Variants in COPE observed in about 807,000 individuals in gnomAD.
The protein encoded by COPE is coat protein complex I subunit epsilon, also known as coatomer subunit epsilon.
In COPE, 19 loss-of-function variants were observed where a neutral mutation model predicts 42.1. That is an observed-to-expected ratio of 0.45 (90% CI 0.31 to 0.66). The LOEUF (loss-of-function observed/expected upper bound fraction) is 0.66. Among genes scored for constraint, COPE ranks in the 30% least tolerant of loss-of-function variants. The pLI, the probability that COPE is intolerant of heterozygous loss-of-function variation, is 0.05. For missense variants in COPE, 402 were observed against 416.1 expected (o/e 0.97, Z 0.30); for synonymous variants, 195 against 181.3 (o/e 1.08, Z -0.60).
chr19:18,909,481 T>C (rs1043577946), intron 3 of COPE, among the ~76,000 whole-genome samples: 1 of 151,484 alleles, frequency 6.6e-6, no homozygotes, highest in Non-Finnish European at 1.5e-5. Context: ...GTCACTCCAG[T>C]CTGTTGTCAC....
intron 6 of COPE, among the ~76,000 whole-genome samples, chr19:18,903,962 G>A (rs531844734): frequency 3.9e-5 from 6 of 152,298 alleles, no homozygotes; most frequent in South Asian, 4.1e-4. Flanking sequence ...GGGCAGGGAC[G>A]GGGAGCACAT....
chr19:18,913,553 T>C (rs2056829669), intron 1 of COPE, among the ~76,000 whole-genome samples: 2 of 152,148 alleles, frequency 1.3e-5, no homozygotes, highest in Non-Finnish European at 2.9e-5. Flanking sequence ...TGTGGCAACA[T>C]CCATTTTGGG....
In COPE at chr19:18,900,410, G is replaced by A. The variant is rs1366945231; in HGVS notation, c.775C>T (p.Leu259=). The change falls in exon 8 of 10, where the codon CTG becomes TTG. Residue 259 remains leucine (L), a synonymous_variant. Coordinates refer to ENST00000262812, the MANE Select transcript of COPE (RefSeq NM_007263.4). Reference sequence around the variant, plus strand: ...GGGGGCTTGCCCAGGTGCTGGGACAGGACGATGAGGTTGACCAGCGTCTCT... The same window carrying A: ...GGGGGCTTGCCCAGGTGCTGGGACAAGACGATGAGGTTGACCAGCGTCTCT... ...YPETLVNLIV[L]SQHLGKPPEV... The A allele has an allele frequency of 6.5e-7, 1 of 1,549,472 alleles. No homozygotes were observed. The highest frequency in any genetic ancestry group is 2.0e-5 in the Admixed American group (1 of 50,922).
intron 2 of COPE, 175 bp from the exon 3 acceptor site, chr19:18,911,246 G>A (rs1411461936): frequency 3.6e-5 from 22 of 619,532 alleles, no homozygotes; most frequent in Admixed American, 2.3e-4. Context: ...GTCACCTGTC[G>A]TGAGCAGCCA....
At chr19:18,904,396 A>C (rs2056738880) in intron 6 of COPE, among the ~76,000 whole-genome samples, 1 of 152,202 alleles carries the variant, frequency 6.6e-6, no homozygotes, top group African/African-American at 2.4e-5. Flanking sequence ...CACCGCTGCT[A>C]TGGGAACACT....
intron 1 of COPE, among the ~76,000 whole-genome samples, chr19:18,914,731 AG>A (rs2056839256): frequency 6.7e-6 from 1 of 149,716 alleles, no homozygotes; most frequent in South Asian, 2.1e-4. Flanking sequence ...AGACCAGCAT[AG>A]GCAACATAGC....
At chr19:18,903,578 G>GT (rs143972957) in intron 6 of COPE, among the ~76,000 whole-genome samples, 155 bp from the exon 7 acceptor site, 1,849 of 152,342 alleles carry the variant, frequency 0.012, 33 homozygotes, top group African/African-American at 0.042. Context: ...GGGACTACCC[G>GT]TAACTTGTAC....
chr19:18,901,560 A>T (rs1434464278), intron 7 of COPE, among the ~76,000 whole-genome samples: 1 of 152,210 alleles, frequency 6.6e-6, no homozygotes, highest in Non-Finnish European at 1.5e-5. Flanking sequence ...CTCTGCAAAC[A>T]ACTTTCTGAT....
At chr19:18,917,411 C>T (rs563463607) in intron 1 of COPE, among the ~76,000 whole-genome samples, 2 of 151,904 alleles carry the variant, frequency 1.3e-5, no homozygotes, top group African/African-American at 4.8e-5. Flanking sequence ...TCTTGTTCCC[C>T]AGGCTTGAAT....
Position 18,919,324 on chromosome 19 carries a change from C to A in COPE, c.25G>T (p.Ala9Ser), listed in dbSNP as rs1352624072. 2.5e-6 allele frequency: 4 copies of A among 1,613,420 alleles called. No individual in the cohort carries two copies. Among genetic ancestry groups the A allele is most frequent in the African/African-American group, 2.7e-5 (2 of 74,904 alleles). Reference protein sequence around the residue: MAPPAPGPASGGSGEVDEL... With the variant: MAPPAPGPSSGGSGEVDEL... The stretch of plus-strand genomic sequence containing the variant: ...TCTACCTCCCCGGAGCCGCCGGAGG[C>A]CGGGCCGGGGGCCGGAGGCGCCATT... Residue 9 changes from alanine (A) to serine (S), a missense_variant, in exon 1 of 10, where the codon GCC (alanine) becomes TCC (serine). Coordinates refer to ENST00000262812, the MANE Select transcript of COPE (RefSeq NM_007263.4).
chr19:18,915,521 G>C (rs1430722212), intron 1 of COPE, among the ~76,000 whole-genome samples: 1 of 152,214 alleles, frequency 6.6e-6, no homozygotes, highest in African/African-American at 2.4e-5. Flanking sequence ...CGGGGTGGGA[G>C]AGCATTGCTC....
At chr19:18,916,771 G>C (rs1211447447) in intron 1 of COPE, among the ~76,000 whole-genome samples, 1 of 150,984 alleles carries the variant, frequency 6.6e-6, no homozygotes, top group African/African-American at 2.4e-5. Context: ...CTGGGCAACA[G>C]GGCAAGACTC....
intron 2 of COPE, 106 bp from the exon 3 acceptor site, chr19:18,911,177 G>T: frequency 2.0e-6 from 2 of 984,914 alleles, no homozygotes; most frequent in African/African-American, 1.6e-5. Flanking sequence ...CCCCACCAGG[G>T]ACCCCTCAGC....
At chr19:18,906,065 G>A (rs148989093) in intron 4 of COPE, 2 of 402,898 alleles carry the variant, frequency 5.0e-6, no homozygotes, top group Admixed American at 4.4e-5. Flanking sequence ...ATCCCTCTCA[G>A]CCCCAGGTGG....
chr19:18,905,019 C>T (rs1601216625), intron 5 of COPE, among the ~76,000 whole-genome samples, 167 bp from the exon 6 acceptor site: 1 of 152,362 alleles, frequency 6.6e-6, no homozygotes, highest in East Asian at 1.9e-4. Context: ...CCCTGCCCGT[C>T]TGACCACGTG....
At chr19:18,911,141 G>A in intron 2 of COPE, 70 bp from the exon 3 acceptor site, 1 of 1,430,250 alleles carries the variant, frequency 7.0e-7, no homozygotes, top group African/African-American at 1.4e-5. Flanking sequence ...AGCTTGGCAG[G>A]GAGAGCCCCA....
At chr19:18,916,893 G>A (rs1412344664) in intron 1 of COPE, among the ~76,000 whole-genome samples, 2 of 146,598 alleles carry the variant, frequency 1.4e-5, no homozygotes, top group African/African-American at 2.5e-5. Flanking sequence ...CCCAGGAGGA[G>A]GAGGATGCCA....
At chr19:18,904,710 C>G (rs976251229) in intron 6 of COPE, 61 bp downstream of exon 6, 20 of 1,458,326 alleles carry the variant, frequency 1.4e-5, no homozygotes, top group African/African-American at 4.2e-5. Context: ...GTGGGGGTGC[C>G]CACAGACCCT....
chr19:18,909,166 C>G (rs1202572150), intron 3 of COPE, among the ~76,000 whole-genome samples: 1 of 152,254 alleles, frequency 6.6e-6, no homozygotes, highest in Admixed American at 6.5e-5. Flanking sequence ...GCAGCTGCTG[C>G]TCCTGGGGGA....
Sources: allele counts gnomAD v4.1 joint callset (sites outside exome capture counted in the v4.1 genomes callset), GRCh38; gene constraint gnomAD v4.1.1; transcripts MANE v1.5; gene names NCBI Gene and HGNC (gene_info 2026-07-23, HGNC 2026-07-21).